The following ETV5 variants were observed in gnomAD, a reference collection of about 807,000 sequenced individuals.
The protein encoded by ETV5 is ETS variant transcription factor 5.
Under a neutral mutation model 70.0 loss-of-function variants are expected in ETV5, and 10 were observed. The observed-to-expected ratio is 0.14, with a 90% CI of 0.09 to 0.24. The LOEUF (loss-of-function observed/expected upper bound fraction) is 0.24, where lower values mean the gene tolerates loss of function less well. Among genes scored for constraint, ETV5 ranks in the 10% least tolerant of loss-of-function variants. The probability of loss-of-function intolerance (pLI) is 1.00; values close to 1 mark genes in which losing one functional copy is unlikely to be tolerated. For synonymous variants in ETV5, 216 were observed against 242.2 expected (o/e 0.89, Z 1.01); for missense variants, 453 against 651.2 (o/e 0.70, Z 3.31).
At chr3:186,092,033 A>C (rs1714193907) in intron 5 of ETV5, among the ~76,000 whole-genome samples, 1 of 152,218 alleles carries the variant, frequency 6.6e-6, no homozygotes, top group Non-Finnish European at 1.5e-5. Context: ...TTTGGGGAAG[A>C]TTTTTGAAAT....
chr3:186,080,123 A>G lies in ETV5; in HGVS notation c.363-19T>C. On this transcript the variant is annotated intron_variant, in intron 6 of 12. Coordinates refer to ENST00000306376, the MANE Select transcript of ETV5 (RefSeq NM_004454.3). Reference sequence around the variant, plus strand: ...ATAGGCACTGTAAACAGAAAAAGAGAAGGAACCATTAAGCTGAAATGAAGC... The same window carrying G: ...ATAGGCACTGTAAACAGAAAAAGAGGAGGAACCATTAAGCTGAAATGAAGC... 1 of 1,458,042 alleles carries G rather than the reference A, an allele frequency of 6.9e-7. No homozygotes were observed. The highest frequency in any genetic ancestry group is 9.0e-7 in the Non-Finnish European group (1 of 1,110,692). The allele number at this position is 1,458,042 out of a possible 1,614,324, so 90.3% of individuals were successfully genotyped here. A position where few individuals can be genotyped will look rare whatever the true frequency, so the allele number is the denominator to read the frequency against.
chr3:186,087,346 G>T (rs554962118), intron 5 of ETV5, among the ~76,000 whole-genome samples: 73 of 152,306 alleles, frequency 4.8e-4, no homozygotes, highest in African/African-American at 1.7e-3. Context: ...TCTCGACGGG[G>T]TGGTGCCTGT....
chr3:186,053,242 C>T (rs1713076061), intron 11 of ETV5, among the ~76,000 whole-genome samples: 1 of 152,120 alleles, frequency 6.6e-6, no homozygotes, highest in South Asian at 2.1e-4. Flanking sequence ...GCTGGGATTA[C>T]AGGTGTCCAT....
intron 5 of ETV5, among the ~76,000 whole-genome samples, chr3:186,092,753 T>C (rs990890963): frequency 6.6e-6 from 1 of 152,158 alleles, no homozygotes; most frequent in African/African-American, 2.4e-5. Flanking sequence ...GGTTTTAAAA[T>C]AGATGACGGA....
chr3:186,056,828 C>T (rs1313168899), intron 11 of ETV5, among the ~76,000 whole-genome samples: 2 of 151,862 alleles, frequency 1.3e-5, no homozygotes, highest in Non-Finnish European at 2.9e-5. Flanking sequence ...CATGATCTTG[C>T]CCCCTAAATT....
At chr3:186,108,362 G>A in intron 1 of ETV5, 1 of 556,850 alleles carries the variant, frequency 1.8e-6, no homozygotes. Context: ...TGCTGGGTGG[G>A]AGCAGGGCGA....
At chr3:186,059,331 G>A (rs1000041095) in intron 9 of ETV5, among the ~76,000 whole-genome samples, 4 of 152,160 alleles carry the variant, frequency 2.6e-5, no homozygotes, top group Non-Finnish European at 4.4e-5. Context: ...TATGCCAGGC[G>A]TTGTGCTAGA....
At position 186,081,152 on chromosome 3, in the gene ETV5, T is replaced by A; in HGVS notation, c.256A>T (p.Thr86Ser). The A allele has an allele frequency of 6.2e-7, 1 of 1,613,220 alleles. No homozygotes were observed. The highest frequency in any genetic ancestry group is 8.5e-7 in the Non-Finnish European group (1 of 1,179,542). ...DNLVLHAPPP[T>S]KIKRELHSPS... Reference sequence around the variant, plus strand: ...CTGTGCAGCTCCCGTTTGATCTTGGTTGGAGGTGGGGCATGAAGCACCACT... The same window carrying A: ...CTGTGCAGCTCCCGTTTGATCTTGGATGGAGGTGGGGCATGAAGCACCACT... The change falls in exon 6 of 13, where the codon ACC becomes TCC. Residue 86 changes from threonine (T) to serine (S), a missense_variant. Coordinates refer to ENST00000306376, the MANE Select transcript of ETV5 (RefSeq NM_004454.3).
At chr3:186,091,911 AG>A (rs1469640253) in intron 5 of ETV5, among the ~76,000 whole-genome samples, 2 of 152,250 alleles carry the variant, frequency 1.3e-5, no homozygotes, top group Non-Finnish European at 2.9e-5. Flanking sequence ...CAATGAAATT[AG>A]AGCCAAGTCT....
intron 5 of ETV5, among the ~76,000 whole-genome samples, chr3:186,094,005 G>T (rs938369886): frequency 1.4e-4 from 21 of 152,222 alleles, no homozygotes; most frequent in African/African-American, 4.8e-4. Flanking sequence ...TGGGGCACTA[G>T]CAAGTTTGCA....
At chr3:186,107,611 G>A (rs1339048975) in intron 1 of ETV5, among the ~76,000 whole-genome samples, 1 of 152,198 alleles carries the variant, frequency 6.6e-6, no homozygotes, top group Non-Finnish European at 1.5e-5. Context: ...TTTTTTAAAA[G>A]CCTGAAGGAA....
At chr3:186,096,155 T>C (rs1395399222) in intron 5 of ETV5, among the ~76,000 whole-genome samples, 2 of 152,048 alleles carry the variant, frequency 1.3e-5, no homozygotes, top group African/African-American at 2.4e-5. Flanking sequence ...CCATGGCTGC[T>C]GGGGAAGAAA....
intron 9 of ETV5, among the ~76,000 whole-genome samples, chr3:186,058,792 T>C (rs1461127392): frequency 6.6e-6 from 1 of 152,080 alleles, no homozygotes; most frequent in South Asian, 2.1e-4. Context: ...GATGGGTGGA[T>C]CATCTGAGGT....
chr3:186,085,194 T>C (rs1714028521), intron 5 of ETV5, among the ~76,000 whole-genome samples: 1 of 152,190 alleles, frequency 6.6e-6, no homozygotes, highest in Non-Finnish European at 1.5e-5. Flanking sequence ...TATGCAGTTC[T>C]TAGTCTTTTC....
chr3:186,058,244 A>G (rs1290281569), intron 9 of ETV5, among the ~76,000 whole-genome samples: 2 of 152,206 alleles, frequency 1.3e-5, no homozygotes, highest in African/African-American at 4.8e-5. Context: ...CCCCTAATAT[A>G]CACTCAGTGC....
intron 7 of ETV5, among the ~76,000 whole-genome samples, chr3:186,066,282 C>G (rs369802197): frequency 2.2e-5 from 1 of 44,862 alleles, no homozygotes. Context: ...AAAAAAAAAT[C>G]AAAGCAATGA....
At chr3:186,082,254 GCTGGCCA>G (rs535700689) in intron 5 of ETV5, among the ~76,000 whole-genome samples, 17 of 152,298 alleles carry the variant, frequency 1.1e-4, no homozygotes, top group East Asian at 1.9e-4. Flanking sequence ...AAGCTTCTAT[GCTGGCCA>G]CTGGCCACTG....
intron 7 of ETV5, among the ~76,000 whole-genome samples, chr3:186,066,827 A>G (rs1713458519): frequency 6.6e-6 from 1 of 152,248 alleles, no homozygotes; most frequent in South Asian, 2.1e-4. Flanking sequence ...AATACAACAA[A>G]TTGAGAGATT....
At chr3:186,107,815 A>G (rs1416125563) in intron 1 of ETV5, among the ~76,000 whole-genome samples, 1 of 151,910 alleles carries the variant, frequency 6.6e-6, no homozygotes, top group Non-Finnish European at 1.5e-5. Flanking sequence ...CTGTAACTGG[A>G]TCTCTAGCGC....
Sources: allele counts gnomAD v4.1 joint callset (sites outside exome capture counted in the v4.1 genomes callset), GRCh38; gene constraint gnomAD v4.1.1; transcripts MANE v1.5; gene names NCBI Gene and HGNC (gene_info 2026-07-23, HGNC 2026-07-21).